The following RGMA variants were observed in gnomAD, a reference collection of about 807,000 sequenced individuals.
RGMA encodes repulsive guidance molecule BMP co-receptor a.
A neutral mutation model predicts 23.2 loss-of-function variants in RGMA; 10 were observed. The ratio of observed to expected loss-of-function variants is 0.43; its 90% confidence interval spans 0.27 to 0.73. The LOEUF (loss-of-function observed/expected upper bound fraction) is 0.73. Among genes scored for constraint, RGMA ranks in the 30% least tolerant of loss-of-function variants. The probability of loss-of-function intolerance (pLI) is 0.20; values close to 1 mark genes in which losing one functional copy is unlikely to be tolerated. For missense variants in RGMA, 547 were observed against 630.5 expected (o/e 0.87, Z 1.42); for synonymous variants, 308 against 279.3 (o/e 1.10, Z -1.03).
chr15:93,070,766 G>A (rs1464799834), intron 2 of RGMA, among the ~76,000 whole-genome samples: 2 of 152,232 alleles, frequency 1.3e-5, no homozygotes, highest in Non-Finnish European at 2.9e-5. Context: ...TGACAGGAGA[G>A]CAGCTATCAG....
At position 93,088,958 on chromosome 15, in the gene RGMA, G is replaced by A; in HGVS notation, c.-26C>T. On this transcript the variant is annotated 5_prime_UTR_variant, in exon 1 of 4. Transcript: ENST00000329082. ...GAGCCCCTGCGGCCCGCGGGGGGTGGCGCTGGCGGGGCTGCGGGAGAAGAG... is the reference window on the plus strand; with the variant it reads ...GAGCCCCTGCGGCCCGCGGGGGGTGACGCTGGCGGGGCTGCGGGAGAAGAG... The A allele has an allele frequency of 7.2e-7, 1 of 1,387,202 alleles. No homozygotes were observed. Among genetic ancestry groups the A allele is most frequent in the Non-Finnish European group, 9.3e-7 (1 of 1,077,654 alleles). 85.9% of individuals were successfully genotyped at this position (1,387,202 alleles called of 1,614,324 possible).
chr15:93,039,110 C>G lies in RGMA; in HGVS notation c.*5888G>C, dbSNP rs576492356. 13 of 152,288 alleles carry G rather than the reference C, an allele frequency of 8.5e-5. No homozygotes were observed. Among genetic ancestry groups the G allele is most frequent in the African/African-American group, 2.6e-4 (11 of 41,552 alleles). The allele number at this position is 152,288 out of a possible 1,614,324, so 9.4% of individuals were successfully genotyped here. A position where few individuals can be genotyped will look rare whatever the true frequency, so the allele number is the denominator to read the frequency against. ...ACTGGACGAGTCTTCTGGCCTTCAT[C>G]TTTTTCTCATGCTGGCTGTTTTTTA... On this transcript the variant is annotated 3_prime_UTR_variant, in exon 4 of 4. Coordinates refer to ENST00000329082, the MANE Select transcript of RGMA (RefSeq NM_020211.3).
intron 2 of RGMA, among the ~76,000 whole-genome samples, chr15:93,058,300 G>C (rs965098709): frequency 4.6e-5 from 7 of 152,326 alleles, no homozygotes; most frequent in African/African-American, 1.7e-4. Context: ...GCAGAGCATC[G>C]AGATCAACTC....
rs2054772172 is a variant in RGMA at position 93,044,135 on chromosome 15, C to T, written c.*863G>A. 6.6e-6 allele frequency: 1 copy of T among 152,308 alleles called. No homozygotes were observed. The highest frequency in any genetic ancestry group is 1.5e-5 in the Non-Finnish European group (1 of 68,092). 9.4% of individuals were successfully genotyped at this position (152,308 alleles called of 1,614,324 possible). A position where few individuals can be genotyped will look rare whatever the true frequency, so the allele number is the denominator to read the frequency against. On this transcript the variant is annotated 3_prime_UTR_variant, in exon 4 of 4. Coordinates refer to ENST00000329082, the MANE Select transcript of RGMA (RefSeq NM_020211.3). ...AGAGGATCAGGGCAGGCCAGCTGGC[C>T]CCATCCACTGGGTCTCCTGCCACAC...
chr15:93,083,253 T>G (rs1449876267), intron 1 of RGMA, among the ~76,000 whole-genome samples: 1 of 152,244 alleles, frequency 6.6e-6, no homozygotes, highest in Non-Finnish European at 1.5e-5. Context: ...ACATGTAGCT[T>G]TTTTTGTCAT....
intron 3 of RGMA, among the ~76,000 whole-genome samples, chr15:93,048,538 A>G (rs536789874): frequency 6.6e-6 from 1 of 152,150 alleles, no homozygotes; most frequent in Non-Finnish European, 1.5e-5. Flanking sequence ...ATTTCCTCGC[A>G]TCCCTTCCTA....
chr15:93,074,062 G>A, intron 1 of RGMA: 2 of 1,304,018 alleles, frequency 1.5e-6, no homozygotes, highest in Non-Finnish European at 2.0e-6. Context: ...GGGCCCTGCA[G>A]TTCTGCTGCC....
Position 93,037,476 on chromosome 15 carries a change from C to T in RGMA, c.*7522G>A, listed in dbSNP as rs1349712365. 1 of 152,416 alleles carries T rather than the reference C, an allele frequency of 6.6e-6. No homozygotes were observed. The highest frequency in any genetic ancestry group is 6.5e-5 in the Admixed American group (1 of 15,290). 9.4% of individuals were successfully genotyped at this position (152,416 alleles called of 1,614,324 possible). On this transcript the variant is annotated 3_prime_UTR_variant, in exon 4 of 4. Coordinates refer to ENST00000329082, the MANE Select transcript of RGMA (RefSeq NM_020211.3). The surrounding 1 kb of genome is among the most constrained non-coding windows in gnomAD (Gnocchi z 4.3). ...AGTGGACAGAGCTCTTGCATCGTTT[C>T]CTTGACGGGGTGCTTTGGGGACTGC...
chr15:93,045,135 A>G lies in RGMA; in HGVS notation c.1216T>C (p.Ser406Pro). 1 of 1,599,242 alleles carries G rather than the reference A, an allele frequency of 6.3e-7. No homozygotes were observed. The highest frequency in any genetic ancestry group is 8.5e-7 in the Non-Finnish European group (1 of 1,173,022). Residue 406 changes from serine to proline, a missense_variant, in exon 4 of 4, where the codon TCC (serine) becomes CCC (proline). Ser to Pro is a moderately conservative substitution (Grantham distance 74). Transcript: ENST00000329082. The surrounding 1 kb of genome is among the most constrained non-coding windows in gnomAD (Gnocchi z 6.9). ...TACAGGTGCAGTTTGTCTTTGTTGGAGTGGAGCATCTTGACATCCTCCAAC... is the reference window on the plus strand; with the variant it reads ...TACAGGTGCAGTTTGTCTTTGTTGGGGTGGAGCATCTTGACATCCTCCAAC... ...YALEDVKMLH[S>P]NKDKLHLYER...
intron 1 of RGMA, among the ~76,000 whole-genome samples, chr15:93,080,875 T>C (rs1895548571): frequency 6.6e-6 from 1 of 152,206 alleles, no homozygotes; most frequent in South Asian, 2.1e-4. Flanking sequence ...GGGGTATAAC[T>C]ACACTTTCTT....
chr15:93,067,004 G>T (rs1031600048), intron 2 of RGMA, among the ~76,000 whole-genome samples: 2 of 152,178 alleles, frequency 1.3e-5, no homozygotes, highest in African/African-American at 4.8e-5. Context: ...TAAGGCATTT[G>T]GCAGAATGCC....
intron 2 of RGMA, among the ~76,000 whole-genome samples, chr15:93,061,933 G>C (rs567665258): frequency 1.2e-4 from 19 of 152,280 alleles, no homozygotes; most frequent in African/African-American, 4.6e-4. Context: ...GGAGTCCTAG[G>C]AATGCAGTGA....
chr15:93,071,082 C>T lies in RGMA; in HGVS notation c.130+1834G>A, dbSNP rs185808485. Among the ~76,000 whole-genome samples, 8 of 152,246 alleles carry T rather than the reference C, an allele frequency of 5.3e-5. No individual in the cohort carries two copies. The East Asian group carries it at 9.7e-4, about 18-fold the overall frequency. On this transcript the variant is annotated intron_variant, in intron 2 of 3. Transcript: ENST00000329082. ...AGCGGGAAGGTGTTGTTTTAAGGGC[C>T]TCTAAGCCCCTCTTCTCAATTTCAG...
At chr15:93,048,255 G>A (rs1171581837) in intron 3 of RGMA, among the ~76,000 whole-genome samples, 1 of 152,156 alleles carries the variant, frequency 6.6e-6, no homozygotes, top group African/African-American at 2.4e-5. Flanking sequence ...GAGGGGTGTG[G>A]AACCCCCGGA....
intron 3 of RGMA, among the ~76,000 whole-genome samples, chr15:93,048,715 T>C (rs1199060767): frequency 1.3e-5 from 2 of 152,278 alleles, no homozygotes; most frequent in East Asian, 1.9e-4. Flanking sequence ...GGCAACTTCA[T>C]ACGGTTCAGC....
chr15:93,056,454 TCTC>T (rs1346524036), intron 2 of RGMA, among the ~76,000 whole-genome samples: 10 of 152,142 alleles, frequency 6.6e-5, no homozygotes, highest in Admixed American at 5.9e-4. Context: ...CTCCTGCTCC[TCTC>T]CTCCTCCCAG....
At chr15:93,076,453 T>C (rs1438579172) in intron 1 of RGMA, among the ~76,000 whole-genome samples, 1 of 151,994 alleles carries the variant, frequency 6.6e-6, no homozygotes, top group Non-Finnish European at 1.5e-5. Context: ...AGTCAACAAA[T>C]ATATATTCAG....
At chr15:93,066,657 C>T (rs1202956610) in intron 2 of RGMA, 7 of 439,404 alleles carry the variant, frequency 1.6e-5, no homozygotes, top group Non-Finnish European at 1.8e-5. Context: ...GCTCATCCTG[C>T]CGGGTCCAGT....
intron 1 of RGMA, 121 bp from the exon 2 acceptor site, chr15:93,073,152 G>C (rs1276134692): frequency 2.4e-6 from 3 of 1,224,858 alleles, no homozygotes; most frequent in Non-Finnish European, 3.1e-6. Flanking sequence ...GCGGGCGCCC[G>C]GCGCGCTCCC....
Sources: gnomAD v4.1 joint callset for allele counts (sites outside exome capture counted in the v4.1 genomes callset) on GRCh38, gnomAD v4.1.1 for gene constraint, Gnocchi (gnomAD v3.1) non-coding constraint, MANE v1.5 for transcripts, NCBI Gene and HGNC (gene_info 2026-07-23, HGNC 2026-07-21) for gene names.